ASPM: variants seen among roughly 807,000 people sequenced by gnomAD.
The protein encoded by ASPM is abnormal spindle-like microcephaly-associated protein.
A neutral mutation model predicts 366.4 loss-of-function variants in ASPM; 256 were observed. The observed-to-expected ratio is 0.70, with a 90% CI of 0.63 to 0.77. ASPM has a LOEUF of 0.77. Ranked by LOEUF, ASPM falls within the 30% of genes least tolerant of loss-of-function variation. The pLI is 0.00. For synonymous variants in ASPM, 1,414 were observed against 1,342.9 expected (o/e 1.05, Z -1.16); for missense variants, 4,146 against 4,090.4 (o/e 1.01, Z -0.37).
chr1:197,111,905 T>C (rs1657597776), intron 17 of ASPM, among the ~76,000 whole-genome samples: 1 of 152,166 alleles, frequency 6.6e-6, no homozygotes, highest in Non-Finnish European at 1.5e-5. Context: ...GCTTATACAC[T>C]GTTGGTGGGA....
Position 197,146,149 on chromosome 1 carries a change from C to G in ASPM, c.289G>C (p.Val97Leu). ...CTCCTCCTGAGACCTACCTGCAACACGAAACAGCGCTGCGACACACTGAAG... is the reference window on the plus strand; with the variant it reads ...CTCCTCCTGAGACCTACCTGCAACAGGAAACAGCGCTGCGACACACTGAAG... Reference protein sequence around the residue: ...LGFSVSQRCFVLQPKEKIVIS... With the variant: ...LGFSVSQRCFLLQPKEKIVIS... The change falls in exon 1 of 28, where the codon GTG (valine) becomes CTG (leucine). Residue 97 changes from valine to leucine, a missense_variant. Val to Leu is a conservative substitution (Grantham distance 32). Transcript: ENST00000367409. 6.2e-7 allele frequency: 1 copy of G among 1,614,048 alleles called. No homozygotes were observed.
At chr1:197,125,787 T>G (rs1557957517) in intron 10 of ASPM, among the ~76,000 whole-genome samples, 1 of 152,066 alleles carries the variant, frequency 6.6e-6, no homozygotes, top group Non-Finnish European at 1.5e-5. Flanking sequence ...TATTTGAGTA[T>G]CTACCTAACA....
rs759957401 is a variant in ASPM, at chr1:197,142,945, G to A, written c.1307C>T (p.Pro436Leu). Residue 436 changes from proline to leucine, a missense_variant, in exon 3 of 28, where the codon CCA becomes CTA. Coordinates refer to ENST00000367409, the MANE Select transcript of ASPM (RefSeq NM_018136.5). ...TGAACCCTGACATTCAGGAATACGT[G>A]GCGAAACTTCACTTTTTCTCCAATC... ...PEDWRKSEVS[P>L]RIPECQGSKS... 1 of 1,613,942 alleles carries A rather than the reference G, an allele frequency of 6.2e-7. No individual in the cohort carries two copies. The highest frequency in any genetic ancestry group is 1.1e-5 in the South Asian group (1 of 91,072).
rs368313435 is a variant in ASPM at position 197,087,006 on chromosome 1, A to G, written c.10162-34T>C. On this transcript the variant is annotated intron_variant, in intron 26 of 27. Transcript: ENST00000367409. ...TAAAATGCACAGTTACTAAAAAGTA[A>G]TAAGAATTAAAATTTTATCTCTTTT... The G allele has an allele frequency of 4.5e-5, 70 of 1,561,126 alleles. 1 individual carries two copies. In the South Asian group the frequency reaches 4.9e-4, roughly 11 times the overall value.
At position 197,145,845 on chromosome 1, in the gene ASPM, A is replaced by AATATATATATATATATATATAT. The variant is rs71131744; in HGVS notation, c.297+274_297+295dup. ...CGTCTATCCTAGCCTTCAATTAGAG[A>AATATATATATATATATATATAT]ATATATATATATATATATATATAAT... On this transcript the variant is annotated intron_variant, in intron 1 of 27. Coordinates refer to ENST00000367409, the MANE Select transcript of ASPM (RefSeq NM_018136.5). 6.3e-4 allele frequency among the ~76,000 whole-genome samples: 93 copies of AATATATATATATATATATATAT among 147,676 alleles called. 2 individuals carry two copies. Among genetic ancestry groups the AATATATATATATATATATATAT allele is most frequent in the African/African-American group, 2.3e-3 (90 of 39,230 alleles).
At chr1:197,113,764 T>C (rs1657658877) in intron 17 of ASPM, among the ~76,000 whole-genome samples, 1 of 152,148 alleles carries the variant, frequency 6.6e-6, no homozygotes, top group East Asian at 1.9e-4. Context: ...TATAACGCTC[T>C]TTTATAAATC....
chr1:197,136,252 G>A (rs1658417450), intron 4 of ASPM, among the ~76,000 whole-genome samples: 2 of 152,012 alleles, frequency 1.3e-5, no homozygotes, highest in African/African-American at 4.8e-5. Flanking sequence ...AAGTCCTTCA[G>A]GTTGAAATAA....
At chr1:197,095,861 T>C in intron 19 of ASPM, 137 bp downstream of exon 19, 1 of 825,766 alleles carries the variant, frequency 1.2e-6, no homozygotes, top group Non-Finnish European at 1.8e-6. Flanking sequence ...ATAAAGAAAA[T>C]ATCAACAAAA....
chr1:197,122,008 C>T lies in ASPM; in HGVS notation c.3777G>A (p.Arg1259=), dbSNP rs752549882. ...TTATTTCTTTACGAAGATCCAAAAG[C>T]CTTGCACAAAGAAATGACAAATAGG... ...VITYLSFLCA[R]LLDLRKEIRA... is the part of the protein sequence containing the mutation. The change falls in exon 16 of 28, where the codon AGG becomes AGA. Residue 1259 remains arginine, a synonymous_variant. Coordinates refer to ENST00000367409, the MANE Select transcript of ASPM (RefSeq NM_018136.5). 2 of 1,612,106 alleles carry T rather than the reference C, an allele frequency of 1.2e-6. No individual in the cohort carries two copies. The highest frequency in any genetic ancestry group is 2.7e-5 in the African/African-American group (2 of 74,778).
chr1:197,103,938 A>G lies in ASPM; in HGVS notation c.5313T>C (p.Tyr1771=). The G allele has an allele frequency of 1.2e-6, 2 of 1,612,770 alleles. No homozygotes were observed. The highest frequency in any genetic ancestry group is 1.7e-6 in the Non-Finnish European group (2 of 1,179,370). ...CAATAATTGCTTTATACATTTTCAG[A>G]TAATACTGCCGAGCCTTTCTCATTC... ...YFRMRKARQY[Y]LKMYKAIIVI... is the part of the protein sequence containing the mutation. The change falls in exon 18 of 28, where the codon TAT becomes TAC. Residue 1771 remains tyrosine, a synonymous_variant. Transcript: ENST00000367409.
intron 25 of ASPM, among the ~76,000 whole-genome samples, chr1:197,088,713 A>T (rs911194848): frequency 1.3e-5 from 2 of 152,090 alleles, no homozygotes; most frequent in African/African-American, 2.4e-5. Context: ...AAACATCTTG[A>T]AGTCAATAAA....
At chr1:197,125,641 T>C (rs1280987146) in intron 10 of ASPM, among the ~76,000 whole-genome samples, 6 of 152,048 alleles carry the variant, frequency 3.9e-5, no homozygotes, top group African/African-American at 7.2e-5. Flanking sequence ...CTAAGGCCCA[T>C]AGAGCTTAAA....
rs1656844666 is a variant in ASPM at position 197,093,206 on chromosome 1, T to G, written c.9140A>C (p.Gln3047Pro). The G allele has an allele frequency of 6.2e-7, 1 of 1,612,592 alleles. No homozygotes were observed. Among genetic ancestry groups the G allele is most frequent in the Admixed American group, 1.7e-5 (1 of 59,890 alleles). Residue 3047 changes from glutamine to proline, a missense_variant, in exon 21 of 28, where the codon CAG becomes CCG. Physicochemically the swap from Gln to Pro is moderately conservative, Grantham distance 76 (BLOSUM62 -1). Coordinates refer to ENST00000367409, the MANE Select transcript of ASPM (RefSeq NM_018136.5). ...AGCAGATTTCTGCCGAAGAAAGACC[T>G]GCCTTCCTTTATATCCTCTATAATG... ...QAHYRGYKGR[Q>P]VFLRQKSAAL...
In ASPM at chr1:197,122,369, G is replaced by C. The variant is rs766202556; in HGVS notation, c.3598+19C>G. The C allele has an allele frequency of 1.2e-6, 2 of 1,613,524 alleles. No individual in the cohort carries two copies. Among genetic ancestry groups the C allele is most frequent in the East Asian group, 4.5e-5 (2 of 44,854 alleles). The stretch of plus-strand genomic sequence containing the variant: ...TCAGACATGGCAAAAAATTGGAAAA[G>C]TAACCAAAAGGGACTAACCATGATC... On this transcript the variant is annotated intron_variant, in intron 14 of 27. Transcript: ENST00000367409.
In ASPM at chr1:197,104,339, C is replaced by A. The variant is rs1657328600; in HGVS notation, c.4912G>T (p.Val1638Leu). The change falls in exon 18 of 28, where the codon GTG (valine) becomes TTG (leucine). Residue 1638 changes from valine to leucine, a missense_variant. By Grantham distance (32) the Val-to-Leu change is conservative (BLOSUM62 1). Transcript: ENST00000367409. The part of the protein sequence containing the change: ...SYQKTRSAVI[V>L]LQSAYRGMQA... Reference sequence around the variant, plus strand: ...ATCCCTCTATATGCAGACTGCAGCACAATGACAGCAGAGCGTGTTTTCTGG... The same window carrying A: ...ATCCCTCTATATGCAGACTGCAGCAAAATGACAGCAGAGCGTGTTTTCTGG... The A allele has an allele frequency of 1.2e-6, 2 of 1,612,914 alleles. No individual in the cohort carries two copies. The highest frequency in any genetic ancestry group is 1.3e-5 in the African/African-American group (1 of 74,802).
rs1197916237 is a variant in ASPM, at chr1:197,105,014, CTTG to C, written c.4234_4236del (p.Gln1412del). The C allele has an allele frequency of 1.2e-6, 2 of 1,610,306 alleles. No homozygotes were observed. Among genetic ancestry groups the C allele is most frequent in the African/African-American group, 2.7e-5 (2 of 74,706 alleles). On this transcript the variant is annotated inframe_deletion, in exon 18 of 28. Transcript: ENST00000367409. The stretch of plus-strand genomic sequence containing the variant: ...TTTAGCATTTCATATCTTTGTTGAT[CTTG>C]TTTTCTTCTTAAATAAGCACGCCAA...
Position 197,133,483 on chromosome 1 carries a change from T to C in ASPM, c.2286A>G (p.Leu762=), listed in dbSNP as rs532397734. 4 of 1,614,160 alleles carry C rather than the reference T, an allele frequency of 2.5e-6. No homozygotes were observed. The East Asian group carries it at 6.7e-5, about 27-fold the overall frequency. Residue 762 remains leucine, a synonymous_variant, in exon 6 of 28, where the codon TTA becomes TTG. Coordinates refer to ENST00000367409, the MANE Select transcript of ASPM (RefSeq NM_018136.5). ...GGCATGCTGCACGACGTAGTCTGTTTAACCTACACCGAGCAGTATAAGCTC... is the reference window on the plus strand; with the variant it reads ...GGCATGCTGCACGACGTAGTCTGTTCAACCTACACCGAGCAGTATAAGCTC... ...SLRAYTARCR[L]NRLRRAACRL...
rs771523339 is a variant in ASPM, at chr1:197,084,366, T to C, written c.10392A>G (p.Gln3464=). The change falls in exon 28 of 28, where the codon CAA becomes CAG. Residue 3464 remains glutamine (Q), a synonymous_variant. Transcript: ENST00000367409. The part of the protein sequence containing the change: ...DNMEEITNPL[Q]AIQMVMDTLG... Reference sequence around the variant, plus strand: ...GCGTATCCATCACCATTTGAATAGCTTGCAGGGGATTTGTGATTTCTTCCA... The same window carrying C: ...GCGTATCCATCACCATTTGAATAGCCTGCAGGGGATTTGTGATTTCTTCCA... The C allele has an allele frequency of 1.9e-6, 3 of 1,613,330 alleles. No individual in the cohort carries two copies. The Admixed American group carries it at 5.0e-5, about 27-fold the overall frequency.
chr1:197,095,928 T>A (rs1656960001), intron 19 of ASPM, 70 bp downstream of exon 19: 2 of 1,308,644 alleles, frequency 1.5e-6, no homozygotes, highest in African/African-American at 1.5e-5. Flanking sequence ...TAAGCAGTGT[T>A]ATTTTATGTA....
Sources: gnomAD v4.1 joint callset for allele counts (sites outside exome capture counted in the v4.1 genomes callset) on GRCh38, gnomAD v4.1.1 for gene constraint, MANE v1.5 for transcripts, NCBI Gene and HGNC (gene_info 2026-07-23, HGNC 2026-07-21) for gene names.